Variants in NANOS3 observed in about 807,000 individuals in gnomAD.
The protein encoded by NANOS3 is nanos C2HC-type zinc finger 3.
In NANOS3, 11 loss-of-function variants were observed where a neutral mutation model predicts 13.8. That is an observed-to-expected ratio of 0.80 (90% confidence interval 0.50 to 1.32). The LOEUF (loss-of-function observed/expected upper bound fraction) is 1.32. NANOS3 is among the 40% of genes most tolerant of loss of function. NANOS3 has a pLI of 0.00. For missense variants in NANOS3, 221 were observed against 263.8 expected, an observed-to-expected ratio of 0.84 and a Z score of 1.12; for synonymous variants, 119 against 115.4, an observed-to-expected ratio of 1.03 and a Z score of -0.20.
At chr19:13,867,863 A>T (rs1459296099) in intron 1 of NANOS3, among the ~76,000 whole-genome samples, 1 of 152,100 alleles carries the variant, frequency 6.6e-6, no homozygotes, top group African/African-American at 2.4e-5. Context: ...CCATATGCCC[A>T]TCGTCACCTA....
intron 1 of NANOS3, among the ~76,000 whole-genome samples, chr19:13,868,539 G>T (rs1347226745): frequency 6.6e-6 from 1 of 151,794 alleles, no homozygotes; most frequent in African/African-American, 2.4e-5. Flanking sequence ...ATATTAGCTG[G>T]GCGTGGTGGT....
At position 13,877,171 on chromosome 19, in the gene NANOS3, G is replaced by T; in HGVS notation, c.-78G>T. On this transcript the variant is annotated 5_prime_UTR_variant, in exon 1 of 2. Transcript: ENST00000339133. ...GGGGAAGGAAGGGGCAGCAGAGAGGGGTCAGAAGGAGGGAGCTTAAGCCAG... is the reference window on the plus strand; with the variant it reads ...GGGGAAGGAAGGGGCAGCAGAGAGGTGTCAGAAGGAGGGAGCTTAAGCCAG... 2.4e-6 allele frequency: 3 copies of T among 1,227,666 alleles called. No individual in the cohort carries two copies. The highest frequency in any genetic ancestry group is 2.3e-5 in the East Asian group (1 of 42,832). 76.0% of individuals were successfully genotyped at this position (1,227,666 alleles called of 1,614,324 possible).
chr19:13,862,537 TTTC>T (rs1242881778), upstream of NANOS3, among the ~76,000 whole-genome samples: 2 of 151,982 alleles, frequency 1.3e-5, no homozygotes, highest in Non-Finnish European at 1.5e-5. Flanking sequence ...GCCTTTTTTT[TTTC>T]TTTTTTCTTT....
chr19:13,867,225 A>ACCGCC (rs1976255290), intron 1 of NANOS3, among the ~76,000 whole-genome samples: 1 of 151,824 alleles, frequency 6.6e-6, no homozygotes. Flanking sequence ...ACAGGTGTGA[A>ACCGCC]CCGCCGCACC....
chr19:13,873,245 G>T (rs1299800736), upstream of NANOS3, among the ~76,000 whole-genome samples: 2 of 150,600 alleles, frequency 1.3e-5, no homozygotes, highest in South Asian at 2.1e-4. Flanking sequence ...CTGGGGCCTT[G>T]GCTGGTGGCT....
upstream of NANOS3, among the ~76,000 whole-genome samples, chr19:13,872,429 A>G (rs1302508941): frequency 6.6e-6 from 1 of 151,844 alleles, no homozygotes; most frequent in African/African-American, 2.4e-5. Flanking sequence ...GGCTCCAGCC[A>G]TCCTCCTGCC....
chr19:13,875,572 C>T (rs1968492960), upstream of NANOS3, among the ~76,000 whole-genome samples: 2 of 151,726 alleles, frequency 1.3e-5, no homozygotes, highest in South Asian at 4.2e-4. Flanking sequence ...GACAGGATCT[C>T]GCTCTTGTCA....
chr19:13,875,592 G>A (rs1225613964), upstream of NANOS3, among the ~76,000 whole-genome samples: 1 of 152,062 alleles, frequency 6.6e-6, no homozygotes, highest in Non-Finnish European at 1.5e-5. Context: ...ACCCAGGCTG[G>A]AGTGCAATGG....
chr19:13,863,759 C>T (rs1976190835), upstream of NANOS3, among the ~76,000 whole-genome samples: 1 of 151,938 alleles, frequency 6.6e-6, no homozygotes, highest in South Asian at 2.1e-4. Flanking sequence ...GGTTGGGGGT[C>T]GGGGGAGTGG....
At chr19:13,875,847 G>T (rs1968499014), upstream of NANOS3, among the ~76,000 whole-genome samples, 1 of 152,188 alleles carries the variant, frequency 6.6e-6, no homozygotes, top group Non-Finnish European at 1.5e-5. Flanking sequence ...TTTCTTAAAT[G>T]AATGGATGGG....
chr19:13,866,713 C>G (rs896550878), intron 1 of NANOS3, among the ~76,000 whole-genome samples: 28 of 152,198 alleles, frequency 1.8e-4, no homozygotes, highest in African/African-American at 6.3e-4. Flanking sequence ...GCATGTCACT[C>G]AGGGTAGCAA....
At chr19:13,864,991 CT>C (rs1054642708), upstream of NANOS3, among the ~76,000 whole-genome samples, 1 of 152,094 alleles carries the variant, frequency 6.6e-6, no homozygotes, top group Non-Finnish European at 1.5e-5. Context: ...CCTTTGAGGT[CT>C]GCGTGCGTCT....
chr19:13,875,866 C>T (rs944123955), upstream of NANOS3, among the ~76,000 whole-genome samples: 1 of 152,158 alleles, frequency 6.6e-6, no homozygotes, highest in African/African-American at 2.4e-5. Context: ...GGTGGATGAG[C>T]TGTGTAAGCG....
chr19:13,867,938 C>G (rs1166010920), intron 1 of NANOS3, among the ~76,000 whole-genome samples: 1 of 152,154 alleles, frequency 6.6e-6, no homozygotes, highest in Non-Finnish European at 1.5e-5. Flanking sequence ...TACACACAGA[C>G]ACAGTAACAC....
In NANOS3 at chr19:13,880,593, C is replaced by T. The variant is rs1276410694; in HGVS notation, c.*90C>T. ...TGACGACTGCCCCCACTCCCAGACC[C>T]TCCCCCCAGCCTGGGATTGAGCCCT... On this transcript the variant is annotated 3_prime_UTR_variant, in exon 2 of 2. Coordinates refer to ENST00000339133, the MANE Select transcript of NANOS3 (RefSeq NM_001098622.3). 2 of 1,086,182 alleles carry T rather than the reference C, an allele frequency of 1.8e-6. No homozygotes were observed. The highest frequency in any genetic ancestry group is 2.8e-6 in the Non-Finnish European group (2 of 713,208). The allele number at this position is 1,086,182 out of a possible 1,614,324, so 67.3% of individuals were successfully genotyped here. A position where few individuals can be genotyped will look rare whatever the true frequency, so the allele number is the denominator to read the frequency against.
intron 1 of NANOS3, among the ~76,000 whole-genome samples, chr19:13,879,240 C>T (rs1378012048): frequency 6.6e-6 from 1 of 152,076 alleles, no homozygotes; most frequent in Admixed American, 6.6e-5. Flanking sequence ...TGCCTGGCCC[C>T]CAGTGAGGTT....
rs775024333 is a variant in NANOS3, at chr19:13,877,554, G to A, written c.306G>A (p.Val102=). 43 of 1,612,114 alleles carry A rather than the reference G, an allele frequency of 2.7e-5. No individual in the cohort carries two copies. Among genetic ancestry groups the A allele is most frequent in the Middle Eastern group, 1.6e-4 (1 of 6,084 alleles). ...SHVLKDEAGR[V]LCPILRDYVC... Reference sequence around the variant, plus strand: ...TGCTGAAGGACGAGGCTGGCAGGGTGCTGTGTCCCATCCTGCGGGACTACG... The same window carrying A: ...TGCTGAAGGACGAGGCTGGCAGGGTACTGTGTCCCATCCTGCGGGACTACG... Residue 102 remains valine, a synonymous_variant, in exon 1 of 2, where the codon GTG becomes GTA. Coordinates refer to ENST00000339133, the MANE Select transcript of NANOS3 (RefSeq NM_001098622.3).
upstream of NANOS3, among the ~76,000 whole-genome samples, chr19:13,863,316 C>G (rs1337223132): frequency 6.6e-6 from 1 of 152,018 alleles, no homozygotes; most frequent in African/African-American, 2.4e-5. Context: ...CTCAACGGAT[C>G]CTTTTGCTTC....
At chr19:13,871,159 C>G (rs1195161439) in intron 1 of NANOS3, among the ~76,000 whole-genome samples, 2 of 152,102 alleles carry the variant, frequency 1.3e-5, no homozygotes, top group Non-Finnish European at 2.9e-5. Context: ...GGGCTGCAGA[C>G]TCCCTCAGGG....
Sources: allele counts gnomAD v4.1 joint callset (sites outside exome capture counted in the v4.1 genomes callset), GRCh38; gene constraint gnomAD v4.1.1; transcripts MANE v1.5; gene names NCBI Gene and HGNC (gene_info 2026-07-23, HGNC 2026-07-21).